SPAG16: variants seen among roughly 807,000 people sequenced by gnomAD.
SPAG16 encodes sperm-associated antigen 16 protein.
SPAG16 carries 86 observed loss-of-function variants against 80.4 expected under a neutral mutation model. The observed-to-expected ratio is 1.07, with a 90% confidence interval of 0.90 to 1.28. The LOEUF (loss-of-function observed/expected upper bound fraction) is 1.28, where lower values mean the gene tolerates loss of function less well. Ranked by LOEUF, SPAG16 falls within the 50% of genes most tolerant of loss-of-function variation. The pLI is 0.00. For synonymous variants in SPAG16, 294 were observed against 265.9 expected (o/e 1.11, Z -1.03); for missense variants, 870 against 765.3 (o/e 1.14, Z -1.61).
At chr2:214,299,518 A>C (rs1270899572) in intron 15 of SPAG16, among the ~76,000 whole-genome samples, 1 of 152,098 alleles carries the variant, frequency 6.6e-6, no homozygotes, top group Admixed American at 6.6e-5. Context: ...AAGTGCTGGG[A>C]TTACAGGCAT....
intron 5 of SPAG16, among the ~76,000 whole-genome samples, chr2:213,328,776 T>A (rs1179303462): frequency 6.6e-6 from 1 of 152,180 alleles, no homozygotes; most frequent in Non-Finnish European, 1.5e-5. Flanking sequence ...TTCTACTTGC[T>A]GTGATGGAAT....
At chr2:213,409,011 GA>G (rs892416639) in intron 9 of SPAG16, among the ~76,000 whole-genome samples, 47 of 151,350 alleles carry the variant, frequency 3.1e-4, no homozygotes, top group Middle Eastern at 3.4e-3. Flanking sequence ...AGTTCGCTTT[GA>G]AAAAGAATGG....
chr2:213,767,216 C>T lies in SPAG16; in HGVS notation c.1071-95269C>T, dbSNP rs532961607. Among the ~76,000 whole-genome samples the T allele has an allele frequency of 1.6e-4, 24 of 152,254 alleles. No individual in the cohort carries two copies. The South Asian group carries it at 4.1e-3, about 26-fold the overall frequency. On this transcript the variant is annotated intron_variant, in intron 10 of 15. Coordinates refer to ENST00000331683, the MANE Select transcript of SPAG16 (RefSeq NM_024532.5). ...ATCAATGATTTAAGTTGTCTTAACA[C>T]GCATTATATGTTCTATTATCCAAGT...
At chr2:213,327,467 C>T (rs981388079) in intron 5 of SPAG16, among the ~76,000 whole-genome samples, 8 of 151,978 alleles carry the variant, frequency 5.3e-5, no homozygotes, top group African/African-American at 1.7e-4. Flanking sequence ...TGCTTTGTTT[C>T]CTGGGACGAG....
intron 13 of SPAG16, among the ~76,000 whole-genome samples, chr2:214,057,815 C>T (rs1576009592): frequency 1.3e-5 from 2 of 152,288 alleles, no homozygotes; most frequent in Middle Eastern, 6.8e-3. Context: ...CTTGCTGCAA[C>T]TTCTACATCA....
At chr2:213,893,040 A>G (rs1179627806) in intron 11 of SPAG16, among the ~76,000 whole-genome samples, 3 of 152,124 alleles carry the variant, frequency 2.0e-5, no homozygotes, top group African/African-American at 7.2e-5. Flanking sequence ...TCAAGGACCA[A>G]GAGTGAATCC....
At chr2:213,924,171 C>T (rs1159145051) in intron 11 of SPAG16, among the ~76,000 whole-genome samples, 1 of 152,164 alleles carries the variant, frequency 6.6e-6, no homozygotes, top group Non-Finnish European at 1.5e-5. Context: ...TGCCTTTATT[C>T]AGGTGATGGC....
At chr2:213,312,349 GA>G (rs2063225347) in intron 4 of SPAG16, among the ~76,000 whole-genome samples, 1 of 151,490 alleles carries the variant, frequency 6.6e-6, no homozygotes, top group Admixed American at 6.6e-5. Flanking sequence ...TCTCAGGGGG[GA>G]AAAATTAAAG....
At chr2:214,096,685 G>A (rs2052613772) in intron 13 of SPAG16, among the ~76,000 whole-genome samples, 1 of 151,990 alleles carries the variant, frequency 6.6e-6, no homozygotes. Context: ...TGCTAAAGCA[G>A]ATCCGCAGTA....
At chr2:213,581,782 C>G (rs766273089) in intron 10 of SPAG16, among the ~76,000 whole-genome samples, 10 of 152,132 alleles carry the variant, frequency 6.6e-5, no homozygotes, top group Non-Finnish European at 1.3e-4. Context: ...TGGAAGCCAG[C>G]TGAAGATAGC....
intron 15 of SPAG16, among the ~76,000 whole-genome samples, chr2:214,247,411 G>A (rs921333653): frequency 6.6e-6 from 1 of 151,962 alleles, no homozygotes; most frequent in Non-Finnish European, 1.5e-5. Context: ...CCTCTCAAGG[G>A]ACATAACTAA....
intron 13 of SPAG16, among the ~76,000 whole-genome samples, chr2:214,030,728 C>T (rs2048363417): frequency 6.6e-6 from 1 of 152,278 alleles, no homozygotes; most frequent in Middle Eastern, 3.4e-3. Context: ...GTAACAGATG[C>T]CATTGATACC....
chr2:214,080,198 C>T (rs1444387003), intron 13 of SPAG16, among the ~76,000 whole-genome samples: 2 of 152,148 alleles, frequency 1.3e-5, no homozygotes, highest in African/African-American at 2.4e-5. Flanking sequence ...GCAGAATTAT[C>T]TGAAGACTTG....
chr2:213,441,298 T>C (rs1487560006), intron 9 of SPAG16, among the ~76,000 whole-genome samples: 12 of 152,220 alleles, frequency 7.9e-5, no homozygotes, highest in Admixed American at 7.9e-4. Flanking sequence ...TACAATGATA[T>C]GTTATCCATC....
intron 12 of SPAG16, among the ~76,000 whole-genome samples, chr2:213,983,953 A>G (rs1575730946): frequency 1.3e-5 from 2 of 152,072 alleles, no homozygotes; most frequent in Admixed American, 6.6e-5. Flanking sequence ...CATATACATC[A>G]TACATGAAAA....
chr2:213,376,933 G>A (rs2066909009), intron 9 of SPAG16, among the ~76,000 whole-genome samples: 1 of 152,138 alleles, frequency 6.6e-6, no homozygotes, highest in Non-Finnish European at 1.5e-5. Context: ...TTTATAAACA[G>A]TCGCTCTCTT....
intron 15 of SPAG16, among the ~76,000 whole-genome samples, chr2:214,164,917 A>C (rs535353510): frequency 6.6e-6 from 1 of 152,126 alleles, no homozygotes; most frequent in Non-Finnish European, 1.5e-5. Context: ...ATATCATGTA[A>C]TGAAAAATTT....
At chr2:213,376,455 A>G (rs2066887072) in intron 9 of SPAG16, among the ~76,000 whole-genome samples, 1 of 152,070 alleles carries the variant, frequency 6.6e-6, no homozygotes, top group Non-Finnish European at 1.5e-5. Flanking sequence ...TACCTACAGC[A>G]TGGTAGAAAA....
chr2:214,270,491 T>TA (rs1691908548), intron 15 of SPAG16, among the ~76,000 whole-genome samples: 1 of 152,172 alleles, frequency 6.6e-6, no homozygotes. Flanking sequence ...GCTTACAACA[T>TA]ACTGTGCTTA....
Sources: allele counts gnomAD v4.1 joint callset (sites outside exome capture counted in the v4.1 genomes callset), GRCh38; gene constraint gnomAD v4.1.1; transcripts MANE v1.5; gene names NCBI Gene and HGNC (gene_info 2026-07-23, HGNC 2026-07-21).